CHLSN: variants seen among roughly 807,000 people sequenced by gnomAD.
The protein encoded by CHLSN is protein cholesin.
the CHLSN span, among the ~76,000 whole-genome samples, chr7:1,129,741 C>T: frequency 6.6e-6 from 1 of 152,224 alleles, no homozygotes; most frequent in Non-Finnish European, 1.5e-5. Context: ...CCATGCCCAG[C>T]CCCGTTCGGT....
At chr7:1,121,513 C>T in the CHLSN span, among the ~76,000 whole-genome samples, 32 of 152,332 alleles carry the variant, frequency 2.1e-4, no homozygotes, top group African/African-American at 7.2e-4. Flanking sequence ...TATAAAGCTG[C>T]GGTCTTCATG....
At chr7:1,085,100 C>G in the CHLSN span, among the ~76,000 whole-genome samples, 1 of 152,240 alleles carries the variant, frequency 6.6e-6, no homozygotes, top group Non-Finnish European at 1.5e-5. Context: ...GGCATTCACT[C>G]GGGAGGGCTC....
chr7:1,052,224 C>A, the CHLSN span, among the ~76,000 whole-genome samples: 1 of 152,264 alleles, frequency 6.6e-6, no homozygotes, highest in Non-Finnish European at 1.5e-5. The surrounding 1 kb of genome is among the most constrained non-coding windows in gnomAD (Gnocchi z 4.2). Context: ...GGTGAGGAGC[C>A]TCTGAGCAGG....
chr7:1,093,546 G>A, the CHLSN span: 25 of 470,954 alleles, frequency 5.3e-5, no homozygotes, highest in Middle Eastern at 3.2e-4. Flanking sequence ...CCCGCCGTCT[G>A]CTCCGGGGTG....
chr7:1,015,877 G>A, the CHLSN span, among the ~76,000 whole-genome samples: 1 of 152,210 alleles, frequency 6.6e-6, no homozygotes, highest in Admixed American at 6.5e-5. Context: ...TCCTCCAGGG[G>A]CCCCTCTGTG....
chr7:1,105,123 C>T, the CHLSN span, among the ~76,000 whole-genome samples: 1 of 152,178 alleles, frequency 6.6e-6, no homozygotes, highest in African/African-American at 2.4e-5. Flanking sequence ...AGAGGTGTTA[C>T]AATCCTGGGT....
chr7:1,066,558 T>C, the CHLSN span, among the ~76,000 whole-genome samples: 1 of 152,312 alleles, frequency 6.6e-6, no homozygotes, highest in South Asian at 2.1e-4. Flanking sequence ...TGGAAAAAGC[T>C]GGAGGAGAGA....
At chr7:1,004,279 G>A in the CHLSN span, among the ~76,000 whole-genome samples, 6 of 152,144 alleles carry the variant, frequency 3.9e-5, no homozygotes, top group African/African-American at 1.4e-4. Flanking sequence ...CTGCTGCAGG[G>A]CAGAAGTTGG....
the CHLSN span, among the ~76,000 whole-genome samples, chr7:1,127,836 CACAATCTCG>C: frequency 4.8e-5 from 4 of 83,266 alleles, no homozygotes; most frequent in East Asian, 5.4e-4. Context: ...AGTGCAGTGG[CACAATCTCG>C]GCTCATCCCA....
chr7:1,057,650 C>T, the CHLSN span: 88 of 770,540 alleles, frequency 1.1e-4, no homozygotes, highest in African/African-American at 1.2e-3. Context: ...TGTGCTACAA[C>T]GCCCTGCTGG....
At chr7:1,134,127 G>A in the CHLSN span, among the ~76,000 whole-genome samples, 16 of 151,986 alleles carry the variant, frequency 1.1e-4, no homozygotes, top group South Asian at 2.1e-4. Flanking sequence ...TTTTTAATTC[G>A]CTGGGCATGG....
At chr7:1,126,750 G>T in the CHLSN span, among the ~76,000 whole-genome samples, 1 of 152,284 alleles carries the variant, frequency 6.6e-6, no homozygotes, top group African/African-American at 2.4e-5. Context: ...AATGGTGGTG[G>T]ATACTCAAAT....
At chr7:995,170 G>C in the CHLSN span, among the ~76,000 whole-genome samples, 1 of 152,274 alleles carries the variant, frequency 6.6e-6, no homozygotes, top group African/African-American at 2.4e-5. Context: ...TGGCCCCTGG[G>C]GTTGCATGGG....
the CHLSN span, among the ~76,000 whole-genome samples, chr7:994,534 C>T: frequency 6.6e-6 from 1 of 152,140 alleles, no homozygotes; most frequent in East Asian, 1.9e-4. Context: ...GCCTTGACCT[C>T]CCGAGCTCAA....
the CHLSN span, among the ~76,000 whole-genome samples, chr7:1,114,403 A>C: frequency 6.6e-6 from 1 of 152,216 alleles, no homozygotes; most frequent in Non-Finnish European, 1.5e-5. Context: ...ACCAGCGTGA[A>C]TTGTGGTGAG....
chr7:1,007,915 A>G, the CHLSN span, among the ~76,000 whole-genome samples: 1 of 152,030 alleles, frequency 6.6e-6, no homozygotes, highest in African/African-American at 2.4e-5. Context: ...CTCCAGGGTG[A>G]AGACCAGGGA....
chr7:1,030,649 T>G, the CHLSN span, among the ~76,000 whole-genome samples: 1 of 152,126 alleles, frequency 6.6e-6, no homozygotes, highest in Non-Finnish European at 1.5e-5. Flanking sequence ...CCCAGACCCA[T>G]GAAGGCACAC....
the CHLSN span, among the ~76,000 whole-genome samples, chr7:1,090,262 G>A: frequency 6.6e-6 from 1 of 152,224 alleles, no homozygotes; most frequent in Non-Finnish European, 1.5e-5. Flanking sequence ...CGGCAGCCCT[G>A]GCCCCACCAG....
the CHLSN span, among the ~76,000 whole-genome samples, chr7:1,085,905 T>C: frequency 5.9e-5 from 9 of 152,156 alleles, no homozygotes; most frequent in African/African-American, 9.7e-5. Context: ...ATTCCTGCCA[T>C]GCCGTCACAC....
Sources: gnomAD v4.1 joint callset for allele counts (sites outside exome capture counted in the v4.1 genomes callset) on GRCh38, gnomAD v4.1.1 for gene constraint, Gnocchi (gnomAD v3.1) non-coding constraint, MANE v1.5 for transcripts, NCBI Gene and HGNC (gene_info 2026-07-23, HGNC 2026-07-21) for gene names.